The following CCDC183 variants were observed in gnomAD, a reference collection of about 807,000 sequenced individuals.
CCDC183 encodes coiled-coil domain containing 183, also known as coiled-coil domain-containing protein 183.
A neutral mutation model predicts 65.2 loss-of-function variants in CCDC183; 63 were observed. That is an observed-to-expected ratio of 0.97 (90% CI 0.79 to 1.19). The LOEUF is 1.19. CCDC183 is among the 50% of genes most tolerant of loss of function. The probability of loss-of-function intolerance (pLI) is 0.00; values close to 1 mark genes in which losing one functional copy is unlikely to be tolerated. For missense variants in CCDC183, 769 were observed against 689.3 expected (o/e 1.12, Z -1.30); for synonymous variants, 323 against 276.5 (o/e 1.17, Z -1.67).
In CCDC183 at chr9:136,800,005, G is replaced by C. The variant is rs202027936; in HGVS notation, c.274G>C (p.Val92Leu). The change falls in exon 4 of 14, where the codon GTG (valine) becomes CTG (leucine). Residue 92 changes from valine (V) to leucine (L), a missense_variant. Transcript: ENST00000338005. ...LAHCRSTMEV[V>L]REKLRKYVFD... ...GGCGGTGCCCTTCCCGACCCAGGTG[G>C]TGCGGGAGAAGCTGCGCAAGTACGT... 3.1e-3 allele frequency: 4,956 copies of C among 1,587,264 alleles called. 19 individuals carry two copies. Among genetic ancestry groups the C allele is most frequent in the Non-Finnish European group, 3.2e-3 (3,679 of 1,167,650 alleles).
At chr9:136,800,554 C>T (rs1191391274) in intron 5 of CCDC183, 61 bp downstream of exon 5, 2 of 1,270,036 alleles carry the variant, frequency 1.6e-6, no homozygotes, top group African/African-American at 1.5e-5. Flanking sequence ...GGGGCGGGAG[C>T]GTCCTGGGGC....
intron 9 of CCDC183, 174 bp from the exon 10 acceptor site, chr9:136,805,904 G>A: frequency 1.6e-6 from 1 of 607,332 alleles, no homozygotes; most frequent in Non-Finnish European, 2.9e-6. Flanking sequence ...TGAGGTGGGA[G>A]GATCGCTTGA....
chr9:136,799,840 G>A (rs746100452), intron 3 of CCDC183, 50 bp downstream of exon 3: 35 of 1,258,830 alleles, frequency 2.8e-5, no homozygotes, highest in Non-Finnish European at 3.8e-5. Flanking sequence ...ACCCCTGCCA[G>A]CACCCCCCCA....
rs1292689958 is a variant in CCDC183, at chr9:136,796,487, A to G, written c.70+20A>G. On this transcript the variant is annotated intron_variant, in intron 1 of 13. Transcript: ENST00000338005. ...TCCAGGGTGAGCCTGCACCGCCGTGACCAGTCTCCCTTTCCCGTCTGGGGG... is the reference window on the plus strand; with the variant it reads ...TCCAGGGTGAGCCTGCACCGCCGTGGCCAGTCTCCCTTTCCCGTCTGGGGG... 23 of 1,546,572 alleles carry G rather than the reference A, an allele frequency of 1.5e-5. No homozygotes were observed. Among genetic ancestry groups the G allele is most frequent in the Non-Finnish European group, 2.0e-5 (23 of 1,139,972 alleles).
chr9:136,799,650 G>T, intron 2 of CCDC183, 63 bp from the exon 3 acceptor site: 1 of 1,430,642 alleles, frequency 7.0e-7, no homozygotes, highest in Admixed American at 1.8e-5. Flanking sequence ...AGAATGCCTG[G>T]AGGAGCCAGC....
intron 1 of CCDC183, among the ~76,000 whole-genome samples, chr9:136,796,782 C>T (rs1001139568): frequency 6.6e-6 from 1 of 152,160 alleles, no homozygotes; most frequent in Non-Finnish European, 1.5e-5. Flanking sequence ...AAGTCATCCC[C>T]ATCCTCCATT....
At chr9:136,803,821 T>TGCAGAGGCACAGGCCCCAGGAGTCC (rs1847793112) in intron 6 of CCDC183, 1 of 154,780 alleles carries the variant, frequency 6.5e-6, no homozygotes, top group South Asian at 2.0e-4. Context: ...CAGTGGAGGC[T>TGCAGAGGCACAGGCCCCAGGAGTCC]GCAGAGGCAC....
chr9:136,800,098 A>G lies in CCDC183; in HGVS notation c.367A>G (p.Ser123Gly). 2 of 1,560,602 alleles carry G rather than the reference A, an allele frequency of 1.3e-6. No homozygotes were observed. Among genetic ancestry groups the G allele is most frequent in the Non-Finnish European group, 1.7e-6 (2 of 1,154,942 alleles). ...GCGGCGGCGCGGGCAGAAGCTGGAGAGCATGCAGCTGGAGCTGGACAGCCT... is the reference window on the plus strand; with the variant it reads ...GCGGCGGCGCGGGCAGAAGCTGGAGGGCATGCAGCTGGAGCTGGACAGCCT... The part of the protein sequence containing the change: ...LVRRRGQKLE[S>G]MQLELDSLRS... Residue 123 changes from serine (S) to glycine (G), a missense_variant, in exon 4 of 14, where the codon AGC becomes GGC. By Grantham distance (56) the Ser-to-Gly change is moderately conservative. Transcript: ENST00000338005.
chr9:136,802,237 G>A (rs1847746942), intron 5 of CCDC183, among the ~76,000 whole-genome samples: 2 of 152,188 alleles, frequency 1.3e-5, no homozygotes, highest in Non-Finnish European at 2.9e-5. Context: ...TGGGGACACA[G>A]AGAGATTAAG....
intron 4 of CCDC183, 101 bp downstream of exon 4, chr9:136,800,270 A>C (rs1588330898): frequency 1.8e-6 from 2 of 1,122,756 alleles, no homozygotes; most frequent in Non-Finnish European, 2.4e-6. Context: ...TCCCCTGGGG[A>C]GGGCTCACGG....
intron 6 of CCDC183, among the ~76,000 whole-genome samples, chr9:136,803,020 C>T (rs7038383): frequency 1.9e-3 from 11 of 5,688 alleles, no homozygotes; most frequent in East Asian, 0.017. Flanking sequence ...CTGGGGGCCC[C>T]CCAGGGCCAG....
At chr9:136,799,068 T>A in intron 1 of CCDC183, 34 bp from the exon 2 acceptor site, 2 of 1,611,034 alleles carry the variant, frequency 1.2e-6, no homozygotes, top group Non-Finnish European at 1.7e-6. Flanking sequence ...CTTGGCCCAA[T>A]CCTAGCCACT....
chr9:136,797,615 T>A (rs2131126080), intron 1 of CCDC183, among the ~76,000 whole-genome samples: 1 of 152,188 alleles, frequency 6.6e-6, no homozygotes, highest in African/African-American at 2.4e-5. Flanking sequence ...ATTTTTTGTA[T>A]TTTTAGTAGA....
intron 4 of CCDC183, 45 bp from the exon 5 acceptor site, chr9:136,800,344 C>T: frequency 1.3e-6 from 2 of 1,535,786 alleles, no homozygotes; most frequent in Non-Finnish European, 8.9e-7. Flanking sequence ...ACCCTCCGGG[C>T]GGCCGGTCCC....
Position 136,805,370 on chromosome 9 carries a change from G to C in CCDC183, c.861G>C (p.Glu287Asp). ...STETLKLRRK[E>D]TSTAEMEYQS... is the part of the protein sequence containing the mutation. Reference sequence around the variant, plus strand: ...CTGCTCTGCCAGTGAGGAGAAAAGAGACCTCCACAGCAGAAATGGAATACC... The same window carrying C: ...CTGCTCTGCCAGTGAGGAGAAAAGACACCTCCACAGCAGAAATGGAATACC... The change falls in exon 9 of 14, where the codon GAG (glutamate) becomes GAC (aspartate). Residue 287 changes from glutamate (E) to aspartate (D), a missense_variant. Glu to Asp is a conservative substitution (Grantham distance 45). Transcript: ENST00000338005. The C allele has an allele frequency of 6.2e-7, 1 of 1,613,514 alleles. No homozygotes were observed. The highest frequency in any genetic ancestry group is 8.5e-7 in the Non-Finnish European group (1 of 1,179,832).
Position 136,807,571 on chromosome 9 carries a change from G to C in CCDC183, c.1487-1G>C, listed in dbSNP as rs1564353701. ...GTGCGAGCCGCCGCCTCCGCCCGCA[G>C]ACACCTTCCAGTTCCCCGACATGGA... is the stretch of plus-strand genomic sequence containing the variant. On this transcript the variant is annotated splice_acceptor_variant, in intron 13 of 13. Coordinates refer to ENST00000338005, the MANE Select transcript of CCDC183 (RefSeq NM_001039374.5). LOFTEE classifies it high-confidence loss of function. The C allele has an allele frequency of 6.2e-7, 1 of 1,601,264 alleles. No individual in the cohort carries two copies. The highest frequency in any genetic ancestry group is 1.3e-5 in the African/African-American group (1 of 74,106).
At chr9:136,798,499 G>C (rs1343033411) in intron 1 of CCDC183, among the ~76,000 whole-genome samples, 54 of 140,596 alleles carry the variant, frequency 3.8e-4, no homozygotes, top group South Asian at 1.1e-3. Context: ...GTTTCACCAT[G>C]TTGGCCAGGC....
In CCDC183 at chr9:136,799,739, C is replaced by T. The variant is rs747178821; in HGVS notation, c.219C>T (p.Ala73=). ...ATGACCAGTGGACCATCTCCAAGGCCTGCGGGAAAAACTTGCCTTTGCGAC... is the reference window on the plus strand; with the variant it reads ...ATGACCAGTGGACCATCTCCAAGGCTTGCGGGAAAAACTTGCCTTTGCGAC... ...KKYDQWTISK[A]CGKNLPLRLA... The change falls in exon 3 of 14, where the codon GCC becomes GCT. Residue 73 remains alanine (A), a synonymous_variant. Coordinates refer to ENST00000338005, the MANE Select transcript of CCDC183 (RefSeq NM_001039374.5). The T allele has an allele frequency of 5.0e-6, 8 of 1,613,172 alleles. No individual in the cohort carries two copies. The highest frequency in any genetic ancestry group is 6.8e-6 in the Non-Finnish European group (8 of 1,179,950).
At chr9:136,796,567 A>G (rs1327944624) in intron 1 of CCDC183, 100 bp downstream of exon 1, 12 of 825,920 alleles carry the variant, frequency 1.5e-5, no homozygotes, top group South Asian at 3.1e-5. Context: ...GTTACTGTCT[A>G]TGTAGAAAAG....
Sources: gnomAD v4.1 joint callset for allele counts (sites outside exome capture counted in the v4.1 genomes callset) on GRCh38, gnomAD v4.1.1 for gene constraint, MANE v1.5 for transcripts, NCBI Gene and HGNC (gene_info 2026-07-23, HGNC 2026-07-21) for gene names.